The following IL1RAPL1 variants were observed in gnomAD, a reference collection of about 807,000 sequenced individuals.
IL1RAPL1 encodes interleukin-1 receptor accessory protein-like 1.
IL1RAPL1 carries 3 observed loss-of-function variants against 48.4 expected under a neutral mutation model. The observed-to-expected ratio is 0.06, with a 90% CI of 0.03 to 0.16. IL1RAPL1 has a LOEUF of 0.16. IL1RAPL1 is among the 10% of genes least tolerant of loss of function. The probability of loss-of-function intolerance (pLI) is 1.00; values close to 1 mark genes in which losing one functional copy is unlikely to be tolerated. For synonymous variants in IL1RAPL1, 185 were observed against 187.7 expected, an observed-to-expected ratio of 0.99 and a Z score of 0.12; for missense variants, 349 against 530.6, an observed-to-expected ratio of 0.66 and a Z score of 3.36.
chrX:28,587,518 T>C lies in IL1RAPL1; in HGVS notation c.-554T>C, dbSNP rs1446681340. The C allele has an allele frequency of 9.1e-6, 1 of 110,264 alleles. No homozygotes were observed. 9.1% of individuals were successfully genotyped at this position (110,264 alleles called of 1,213,427 possible). ...GAAATATACATAGGATTCTTTCTTA[T>C]GGCTGCATCCCGGATCTGGAAATTT... On this transcript the variant is annotated 5_prime_UTR_variant, in exon 1 of 11. The change abolishes an upstream ATG in the 5' untranslated region. Coordinates refer to ENST00000378993, the MANE Select transcript of IL1RAPL1 (RefSeq NM_014271.4).
At chrX:29,490,215 TAAAA>T (rs200111189) in intron 5 of IL1RAPL1, among the ~76,000 whole-genome samples, 1 of 109,210 alleles carries the variant, frequency 9.2e-6, no homozygotes, top group Non-Finnish European at 1.9e-5. Flanking sequence ...AATTAAAATT[TAAAA>T]AAAAAGCCAT....
At position 29,355,012 on chromosome X, in the gene IL1RAPL1, T is replaced by C. The variant is rs750887676; in HGVS notation, c.363-41246T>C. ...AGAAGGGTATGGGGGAAACCACTTA[T>C]GGGGGTGACCAGGAAAAGTACAGTA... On this transcript the variant is annotated intron_variant, in intron 3 of 10. Transcript: ENST00000378993. Among the ~76,000 whole-genome samples the C allele has an allele frequency of 7.0e-4, 78 of 111,940 alleles. 1 individual carries two copies. Among genetic ancestry groups the C allele is most frequent in the Non-Finnish European group, 1.0e-3 (53 of 52,997 alleles).
At chrX:29,318,184 T>C (rs1283129706) in intron 3 of IL1RAPL1, among the ~76,000 whole-genome samples, 1 of 112,304 alleles carries the variant, frequency 8.9e-6, no homozygotes, top group Non-Finnish European at 1.9e-5. Context: ...GGCTTTCTCT[T>C]TAAAATGTGG....
chrX:28,635,797 G>A (rs376803770), intron 1 of IL1RAPL1, among the ~76,000 whole-genome samples: 9 of 110,395 alleles, frequency 8.2e-5, no homozygotes, highest in South Asian at 7.5e-4. Flanking sequence ...TTATCATGGC[G>A]TGTGTGTGTG....
intron 1 of IL1RAPL1, among the ~76,000 whole-genome samples, chrX:28,758,905 T>C (rs1279893282): frequency 8.9e-6 from 1 of 111,885 alleles, no homozygotes; most frequent in Non-Finnish European, 1.9e-5. Flanking sequence ...ATACAAAAGT[T>C]TGATTTAAAA....
At chrX:28,803,595 C>T (rs1936697820) in intron 2 of IL1RAPL1, among the ~76,000 whole-genome samples, 1 of 111,247 alleles carries the variant, frequency 9.0e-6, no homozygotes, top group African/African-American at 3.3e-5. Context: ...TATAATACAC[C>T]CCCCACACAC....
intron 6 of IL1RAPL1, among the ~76,000 whole-genome samples, chrX:29,905,781 G>A (rs1296783563): frequency 9.0e-6 from 1 of 111,141 alleles, no homozygotes; most frequent in Non-Finnish European, 1.9e-5. Flanking sequence ...TCAGAAACAT[G>A]TATAGTCGTG....
chrX:28,807,640 A>C (rs1458681688), intron 2 of IL1RAPL1, among the ~76,000 whole-genome samples: 1 of 111,329 alleles, frequency 9.0e-6, no homozygotes. Context: ...TGAAACTTGG[A>C]AATTTATTAT....
intron 6 of IL1RAPL1, among the ~76,000 whole-genome samples, chrX:29,916,248 C>T (rs1218603623): frequency 2.8e-5 from 3 of 109,054 alleles, no homozygotes; most frequent in Non-Finnish European, 5.7e-5. Flanking sequence ...GATTTATAGT[C>T]ATTTGGGTAT....
chrX:29,057,996 G>A lies in IL1RAPL1; in HGVS notation c.83-224942G>A, dbSNP rs747841662. Among the ~76,000 whole-genome samples the A allele has an allele frequency of 2.5e-4, 28 of 111,794 alleles. 1 individual carries two copies. In the East Asian group the frequency reaches 7.3e-3, roughly 29 times the overall value. Reference sequence around the variant, plus strand: ...GATACGTTATGTAAATGACGACCAGGACTTAGAAGTTGTTTATTATTACCT... The same window carrying A: ...GATACGTTATGTAAATGACGACCAGAACTTAGAAGTTGTTTATTATTACCT... On this transcript the variant is annotated intron_variant, in intron 2 of 10. Transcript: ENST00000378993.
At chrX:28,952,490 T>C (rs1031706990) in intron 2 of IL1RAPL1, among the ~76,000 whole-genome samples, 1 of 111,871 alleles carries the variant, frequency 8.9e-6, no homozygotes, top group Non-Finnish European at 1.9e-5. Context: ...AAGATCAGCC[T>C]TCTGCCATTA....
intron 2 of IL1RAPL1, among the ~76,000 whole-genome samples, chrX:28,792,713 G>A (rs1243758138): frequency 1.1e-5 from 1 of 90,759 alleles, no homozygotes; most frequent in Admixed American, 1.3e-4. Context: ...GCGTGAACCC[G>A]GGAGGTGGAG....
At chrX:29,733,671 A>G (rs976275458) in intron 6 of IL1RAPL1, among the ~76,000 whole-genome samples, 2 of 112,637 alleles carry the variant, frequency 1.8e-5, no homozygotes, top group East Asian at 2.8e-4. Context: ...ACAAAACACA[A>G]TTATACCTTC....
intron 2 of IL1RAPL1, among the ~76,000 whole-genome samples, chrX:29,213,657 G>A (rs747802477): frequency 8.9e-6 from 1 of 112,784 alleles, no homozygotes; most frequent in South Asian, 3.6e-4. Flanking sequence ...ATACATGTCT[G>A]TGCATGCCTT....
chrX:29,849,849 C>T (rs1931325066), intron 6 of IL1RAPL1, among the ~76,000 whole-genome samples: 1 of 111,606 alleles, frequency 9.0e-6, no homozygotes, highest in Admixed American at 9.5e-5. Context: ...ATTTTATTCT[C>T]AATAAAAAGA....
At chrX:29,584,212 C>G in intron 5 of IL1RAPL1, among the ~76,000 whole-genome samples, 1 of 111,310 alleles carries the variant, frequency 9.0e-6, no homozygotes, top group Non-Finnish European at 1.9e-5. Context: ...GCTTATGGTA[C>G]TATATTTCCA....
At chrX:29,606,131 G>A (rs1474464802) in intron 5 of IL1RAPL1, among the ~76,000 whole-genome samples, 2 of 111,093 alleles carry the variant, frequency 1.8e-5, no homozygotes, top group African/African-American at 6.5e-5. Context: ...TATCTTCTTT[G>A]GATGTTTAAG....
intron 6 of IL1RAPL1, among the ~76,000 whole-genome samples, chrX:29,775,492 T>G (rs775465242): frequency 9.0e-6 from 1 of 111,405 alleles, no homozygotes; most frequent in South Asian, 3.8e-4. Context: ...ACAGAACACA[T>G]TGTAAGAGCA....
chrX:29,132,761 G>A (rs1462972911), intron 2 of IL1RAPL1, among the ~76,000 whole-genome samples: 2 of 111,495 alleles, frequency 1.8e-5, no homozygotes, highest in Non-Finnish European at 3.8e-5. Context: ...GCTCTGTGAC[G>A]TTATTCTACC....
Sources: allele counts gnomAD v4.1 joint callset (sites outside exome capture counted in the v4.1 genomes callset), GRCh38; gene constraint gnomAD v4.1.1; transcripts MANE v1.5; gene names NCBI Gene and HGNC (gene_info 2026-07-23, HGNC 2026-07-21).